GSTCD: variants seen among roughly 807,000 people sequenced by gnomAD.
GSTCD encodes the protein glutathione S-transferase C-terminal domain-containing protein.
A neutral mutation model predicts 68.3 loss-of-function variants in GSTCD; 44 were observed. That is an observed-to-expected ratio of 0.64 (90% confidence interval 0.51 to 0.83). GSTCD has a LOEUF of 0.83. GSTCD is among the 40% of genes least tolerant of loss of function. The pLI is 0.00. For synonymous variants in GSTCD, 273 were observed against 255.2 expected (o/e 1.07, Z -0.67); for missense variants, 739 against 735.9 (o/e 1.00, Z -0.05).
chr4:105,777,059 A>G (rs1431623889), intron 5 of GSTCD, among the ~76,000 whole-genome samples: 1 of 152,204 alleles, frequency 6.6e-6, no homozygotes, highest in African/African-American at 2.4e-5. Flanking sequence ...TGGAATGGAA[A>G]AGAATAAAAT....
At chr4:105,782,389 G>T (rs1167912772) in intron 5 of GSTCD, among the ~76,000 whole-genome samples, 1 of 152,078 alleles carries the variant, frequency 6.6e-6, no homozygotes, top group Non-Finnish European at 1.5e-5. Flanking sequence ...CTATGTGACA[G>T]GCTGAGGCAG....
intron 11 of GSTCD, 42 bp from the exon 12 acceptor site, chr4:105,845,399 T>A (rs1470976873): frequency 1.2e-6 from 2 of 1,611,396 alleles, no homozygotes; most frequent in East Asian, 2.2e-5. Flanking sequence ...ACTGTCCTGC[T>A]AGTGAAAGGG....
At chr4:105,774,185 T>A (rs1734964139) in intron 5 of GSTCD, among the ~76,000 whole-genome samples, 1 of 152,204 alleles carries the variant, frequency 6.6e-6, no homozygotes, top group Non-Finnish European at 1.5e-5. Context: ...AACCCCTGCT[T>A]TTTTGCTTTC....
chr4:105,826,547 G>A (rs1169765385), intron 8 of GSTCD, among the ~76,000 whole-genome samples: 1 of 151,950 alleles, frequency 6.6e-6, no homozygotes, highest in African/African-American at 2.4e-5. Flanking sequence ...ACTATCAAGT[G>A]ATAAATACTA....
intron 7 of GSTCD, among the ~76,000 whole-genome samples, chr4:105,824,353 A>T (rs1723479378): frequency 6.6e-6 from 1 of 152,184 alleles, no homozygotes; most frequent in Admixed American, 6.6e-5. Context: ...TCACAGAGTA[A>T]AATTCTGAGA....
intron 5 of GSTCD, among the ~76,000 whole-genome samples, chr4:105,786,813 T>G (rs952017059): frequency 2.6e-5 from 4 of 152,092 alleles, no homozygotes; most frequent in African/African-American, 9.7e-5. Context: ...TCTGATAGTA[T>G]TGCTACAAAT....
chr4:105,776,936 A>G lies in GSTCD; in HGVS notation c.1241-46018A>G, dbSNP rs542379418. On this transcript the variant is annotated intron_variant, in intron 5 of 11. Transcript: ENST00000515279. Reference sequence around the variant, plus strand: ...CTGCAGTATGCTTTGGGGGAGTCCTATTACTTTATAACTACCTGCCATTCT... The same window carrying G: ...CTGCAGTATGCTTTGGGGGAGTCCTGTTACTTTATAACTACCTGCCATTCT... 2.0e-5 allele frequency among the ~76,000 whole-genome samples: 3 copies of G among 152,226 alleles called. No homozygotes were observed. The South Asian group carries it at 6.2e-4, about 32-fold the overall frequency.
chr4:105,747,097 C>G (rs1434807590), intron 5 of GSTCD, among the ~76,000 whole-genome samples: 1 of 152,162 alleles, frequency 6.6e-6, no homozygotes, highest in Admixed American at 6.5e-5. Flanking sequence ...AGGTTCTTAC[C>G]AACTCTTGAG....
rs762435398 is a variant in GSTCD, at chr4:105,717,915, G to A, written c.302G>A (p.Cys101Tyr). 1.3e-5 allele frequency: 21 copies of A among 1,614,136 alleles called. No homozygotes were observed. In the South Asian group the frequency reaches 2.2e-4, roughly 17 times the overall value. Reference sequence around the variant, plus strand: ...GTAGTAGAACGATCAGACAATTTTTGTAGAGCAGGACTTGCTGTTGTATTG... The same window carrying A: ...GTAGTAGAACGATCAGACAATTTTTATAGAGCAGGACTTGCTGTTGTATTG... ...PAVVERSDNF[C>Y]RAGLAVVLRH... The change falls in exon 2 of 12, where the codon TGT becomes TAT. Residue 101 changes from cysteine to tyrosine, a missense_variant. Physicochemically the swap from Cys to Tyr is radical, Grantham distance 194. Coordinates refer to ENST00000515279, the MANE Select transcript of GSTCD (RefSeq NM_001370181.1).
At chr4:105,730,272 TG>T (rs1046802070) in intron 5 of GSTCD, among the ~76,000 whole-genome samples, 10 of 152,360 alleles carry the variant, frequency 6.6e-5, no homozygotes, top group African/African-American at 2.4e-4. Context: ...ATGGGATGGC[TG>T]GGTCAAATGG....
At chr4:105,760,984 T>TA (rs1734383643) in intron 5 of GSTCD, 1 of 340,638 alleles carries the variant, frequency 2.9e-6, no homozygotes, top group Admixed American at 4.2e-5. Context: ...TATATCTCAT[T>TA]ATCCTTTTTT....
chr4:105,719,359 A>T lies in GSTCD; in HGVS notation c.726A>T (p.Ala242=). 1.2e-6 allele frequency: 2 copies of T among 1,614,148 alleles called. No individual in the cohort carries two copies. Among genetic ancestry groups the T allele is most frequent in the South Asian group, 2.2e-5 (2 of 91,090 alleles). ...SSSKSLELKV[A]FSKLTVQEEP... ...CCAAGAGTCTGGAACTGAAAGTGGCATTCTCAAAGCTCACAGTACAGGAAG... is the reference window on the plus strand; with the variant it reads ...CCAAGAGTCTGGAACTGAAAGTGGCTTTCTCAAAGCTCACAGTACAGGAAG... Residue 242 remains alanine, a synonymous_variant, in exon 3 of 12, where the codon GCA becomes GCT. Coordinates refer to ENST00000515279, the MANE Select transcript of GSTCD (RefSeq NM_001370181.1).
chr4:105,731,763 C>G (rs1284980135), intron 5 of GSTCD, among the ~76,000 whole-genome samples: 5 of 152,172 alleles, frequency 3.3e-5, no homozygotes, highest in Admixed American at 2.0e-4. Context: ...GCATCCCTGT[C>G]TTGTGCCAGT....
intron 5 of GSTCD, among the ~76,000 whole-genome samples, chr4:105,747,035 G>A (rs1386555225): frequency 1.3e-5 from 2 of 152,174 alleles, no homozygotes; most frequent in East Asian, 1.9e-4. Context: ...GATACAAGGT[G>A]AAGAATGAAA....
chr4:105,845,411 G>A (rs1300491308), intron 11 of GSTCD, 30 bp from the exon 12 acceptor site: 1 of 1,613,230 alleles, frequency 6.2e-7, no homozygotes, highest in Non-Finnish European at 8.5e-7. Flanking sequence ...GTGAAAGGGT[G>A]TCTCATGATA....
intron 1 of GSTCD, among the ~76,000 whole-genome samples, chr4:105,710,165 T>C (rs1732476432): frequency 6.6e-6 from 1 of 151,854 alleles, no homozygotes; most frequent in Admixed American, 6.6e-5. Context: ...TACTTTGCAC[T>C]TCTACGTGTT....
intron 5 of GSTCD, among the ~76,000 whole-genome samples, chr4:105,731,672 A>G (rs545532426): frequency 6.6e-6 from 1 of 152,300 alleles, no homozygotes; most frequent in South Asian, 2.1e-4. Context: ...GTCATCTGCA[A>G]ACAGGGACAA....
At chr4:105,731,318 G>A (rs1014953972) in intron 5 of GSTCD, among the ~76,000 whole-genome samples, 6 of 152,120 alleles carry the variant, frequency 3.9e-5, no homozygotes, top group Non-Finnish European at 7.4e-5. Context: ...AAATTACCTT[G>A]GGCAGTATGG....
intron 5 of GSTCD, among the ~76,000 whole-genome samples, chr4:105,822,090 G>T (rs1444774965): frequency 6.6e-6 from 1 of 151,968 alleles, no homozygotes; most frequent in African/African-American, 2.4e-5. Flanking sequence ...TGGAAATCTG[G>T]TGTCTTACAT....
Sources: gnomAD v4.1 joint callset for allele counts (sites outside exome capture counted in the v4.1 genomes callset) on GRCh38, gnomAD v4.1.1 for gene constraint, MANE v1.5 for transcripts, NCBI Gene and HGNC (gene_info 2026-07-23, HGNC 2026-07-21) for gene names.